SNTG1: variants seen among roughly 807,000 people sequenced by gnomAD.
The protein encoded by SNTG1 is syntrophin gamma 1, also known as gamma-1-syntrophin.
SNTG1 carries 39 observed loss-of-function variants against 74.7 expected under a neutral mutation model. The observed-to-expected ratio is 0.52, with a 90% CI of 0.40 to 0.68. The LOEUF is 0.68. Among genes scored for constraint, SNTG1 ranks in the 30% least tolerant of loss-of-function variants. The probability of loss-of-function intolerance (pLI) is 0.00; values close to 1 mark genes in which losing one functional copy is unlikely to be tolerated. For synonymous variants in SNTG1, 254 were observed against 217.1 expected (o/e 1.17, Z -1.49); for missense variants, 685 against 609.5 (o/e 1.12, Z -1.30).
At chr8:50,683,324 G>A (rs908112017) in intron 15 of SNTG1, among the ~76,000 whole-genome samples, 1 of 152,204 alleles carries the variant, frequency 6.6e-6, no homozygotes, top group Non-Finnish European at 1.5e-5. Context: ...CTATAGGCAT[G>A]TATGGGGTGG....
intron 10 of SNTG1, among the ~76,000 whole-genome samples, chr8:50,532,873 C>A (rs2094280179): frequency 6.6e-6 from 1 of 152,138 alleles, no homozygotes; most frequent in Non-Finnish European, 1.5e-5. Context: ...TCAGTTCTAT[C>A]CTAGGCTCAC....
At chr8:50,400,383 G>A (rs993168268) in intron 3 of SNTG1, among the ~76,000 whole-genome samples, 6 of 152,062 alleles carry the variant, frequency 3.9e-5, no homozygotes, top group African/African-American at 9.7e-5. Context: ...CTGTGTATAA[G>A]TACCATATTT....
rs908965972 is a variant in SNTG1, at chr8:50,707,704, T to C, written c.1192-1182T>C. 2.3e-5 allele frequency among the ~76,000 whole-genome samples: 3 copies of C among 128,382 alleles called. No homozygotes were observed. The South Asian group carries it at 7.9e-4, about 34-fold the overall frequency. 84.2% of individuals were successfully genotyped at this position (128,382 alleles called of 152,430 possible). ...AACTTCTCTTCCTTTTTTTCTTCTCTCTCTTTGTCTCTATTTCTCTCTCAT... is the reference window on the plus strand; with the variant it reads ...AACTTCTCTTCCTTTTTTTCTTCTCCCTCTTTGTCTCTATTTCTCTCTCAT... On this transcript the variant is annotated intron_variant, in intron 16 of 18. Transcript: ENST00000642720.
chr8:50,100,432 T>C (rs1009141079), intron 1 of SNTG1, among the ~76,000 whole-genome samples: 3 of 152,074 alleles, frequency 2.0e-5, no homozygotes, highest in Admixed American at 6.6e-5. Flanking sequence ...GTTTTGAATA[T>C]TCGCAACACA....
chr8:50,300,922 T>G (rs80351649), intron 2 of SNTG1, among the ~76,000 whole-genome samples: 8 of 152,138 alleles, frequency 5.3e-5, no homozygotes, highest in African/African-American at 1.9e-4. Context: ...ATTTTAGTAA[T>G]GAGTAGTAAG....
intron 10 of SNTG1, among the ~76,000 whole-genome samples, chr8:50,535,226 A>G (rs937767181): frequency 6.6e-6 from 1 of 152,166 alleles, no homozygotes; most frequent in Admixed American, 6.5e-5. Flanking sequence ...TAAGATAGAG[A>G]CTACAAAACT....
chr8:50,751,498 T>C (rs915343917), intron 17 of SNTG1, among the ~76,000 whole-genome samples: 3 of 152,064 alleles, frequency 2.0e-5, no homozygotes, highest in African/African-American at 4.8e-5. Context: ...AGGCTCTACT[T>C]TCCAAGATAT....
chr8:50,485,926 G>A (rs1254603770), intron 8 of SNTG1, among the ~76,000 whole-genome samples: 3 of 150,980 alleles, frequency 2.0e-5, no homozygotes, highest in Non-Finnish European at 4.5e-5. Flanking sequence ...ATTAAATAGG[G>A]AATCCTGTCC....
At chr8:50,708,564 T>C (rs2095451943) in intron 16 of SNTG1, 1 of 237,290 alleles carries the variant, frequency 4.2e-6, no homozygotes, top group Non-Finnish European at 8.0e-6. Context: ...TGCCTACACC[T>C]AAAACTTTTT....
chr8:50,524,180 A>G (rs530279141), intron 9 of SNTG1, among the ~76,000 whole-genome samples: 3 of 152,066 alleles, frequency 2.0e-5, no homozygotes, highest in Non-Finnish European at 2.9e-5. Flanking sequence ...AGAACATACT[A>G]TAACAATCTA....
At chr8:50,608,962 A>G (rs1157971360) in intron 13 of SNTG1, among the ~76,000 whole-genome samples, 2 of 152,026 alleles carry the variant, frequency 1.3e-5, no homozygotes, top group African/African-American at 4.8e-5. Flanking sequence ...TTTTGGAATT[A>G]TATAAATATT....
chr8:50,185,229 C>T (rs1026098441), intron 2 of SNTG1, among the ~76,000 whole-genome samples: 7 of 152,146 alleles, frequency 4.6e-5, no homozygotes, highest in African/African-American at 1.7e-4. Context: ...GACTGAGTCT[C>T]TTGAGATCTG....
At chr8:50,028,323 T>C (rs190670676) in intron 1 of SNTG1, among the ~76,000 whole-genome samples, 183 of 152,272 alleles carry the variant, frequency 1.2e-3, no homozygotes, top group Admixed American at 2.0e-3. Context: ...TAATATTTCA[T>C]GGTATGGATG....
At chr8:50,217,648 ATGG>A (rs2084859439) in intron 2 of SNTG1, among the ~76,000 whole-genome samples, 1 of 57,844 alleles carries the variant, frequency 1.7e-5, no homozygotes, top group Admixed American at 1.5e-4. Flanking sequence ...TAAAGGTTCC[ATGG>A]TTCCATTACA....
intron 13 of SNTG1, among the ~76,000 whole-genome samples, chr8:50,605,109 T>C (rs2094803690): frequency 6.6e-6 from 1 of 152,180 alleles, no homozygotes; most frequent in South Asian, 2.1e-4. Context: ...TGAGCTGATA[T>C]GCAAGATTTA....
intron 15 of SNTG1, among the ~76,000 whole-genome samples, chr8:50,704,354 T>C (rs964697568): frequency 6.6e-6 from 1 of 152,168 alleles, no homozygotes; most frequent in African/African-American, 2.4e-5. Flanking sequence ...GTTATATTGT[T>C]AGTAAGAGAT....
chr8:50,249,673 C>A (rs1008180284), intron 2 of SNTG1, among the ~76,000 whole-genome samples: 4 of 152,190 alleles, frequency 2.6e-5, no homozygotes, highest in African/African-American at 9.6e-5. Context: ...TCACAAACTG[C>A]TGTAGCCTAG....
At chr8:50,043,450 C>T (rs1368121447) in intron 1 of SNTG1, among the ~76,000 whole-genome samples, 1 of 152,222 alleles carries the variant, frequency 6.6e-6, no homozygotes, top group Non-Finnish European at 1.5e-5. Context: ...AAACCATTTA[C>T]ATGACCTTTC....
intron 1 of SNTG1, among the ~76,000 whole-genome samples, chr8:50,101,115 T>C (rs1302553293): frequency 6.6e-6 from 1 of 152,282 alleles, no homozygotes; most frequent in South Asian, 2.1e-4. Context: ...ATGATCTCAC[T>C]CTTTTTTATG....
Sources: allele counts gnomAD v4.1 joint callset (sites outside exome capture counted in the v4.1 genomes callset), GRCh38; gene constraint gnomAD v4.1.1; transcripts MANE v1.5; gene names NCBI Gene and HGNC (gene_info 2026-07-23, HGNC 2026-07-21).